DNAAF9: variants seen among roughly 807,000 people sequenced by gnomAD.
DNAAF9 encodes shulin.
DNAAF9 carries 90 observed loss-of-function variants against 167.0 expected under a neutral mutation model. The ratio of observed to expected loss-of-function variants is 0.54; its 90% CI spans 0.45 to 0.64. DNAAF9 has a LOEUF of 0.64. Among genes scored for constraint, DNAAF9 ranks in the 30% least tolerant of loss-of-function variants. DNAAF9 has a pLI of 0.00. For synonymous variants in DNAAF9, 491 were observed against 508.8 expected, an observed-to-expected ratio of 0.96 and a Z score of 0.47; for missense variants, 1,315 against 1,442.2, an observed-to-expected ratio of 0.91 and a Z score of 1.43.
chr20:3,370,238 T>C (rs553584529), intron 6 of DNAAF9, among the ~76,000 whole-genome samples: 5 of 152,192 alleles, frequency 3.3e-5, no homozygotes, highest in African/African-American at 9.6e-5. Context: ...TGCCTTTCAG[T>C]TTATTTATTT....
At chr20:3,375,473 T>G (rs555236858) in intron 4 of DNAAF9, among the ~76,000 whole-genome samples, 1 of 152,226 alleles carries the variant, frequency 6.6e-6, no homozygotes, top group Non-Finnish European at 1.5e-5. Context: ...AAATCCAAAC[T>G]TGATTTCCAG....
intron 1 of DNAAF9, 37 bp downstream of exon 1, chr20:3,407,438 C>T (rs1479633198): frequency 6.2e-6 from 8 of 1,281,356 alleles, no homozygotes; most frequent in African/African-American, 1.5e-5. Context: ...CCGCATCCCC[C>T]GCCCGGCCGC....
chr20:3,258,395 A>C (rs978082680), intron 33 of DNAAF9, among the ~76,000 whole-genome samples: 1 of 152,170 alleles, frequency 6.6e-6, no homozygotes, highest in African/African-American at 2.4e-5. Context: ...TGGAGCCCTC[A>C]GTGGTCCCCT....
At chr20:3,253,669 A>G in intron 36 of DNAAF9, 57 bp downstream of exon 36, 1 of 1,044,602 alleles carries the variant, frequency 9.6e-7, no homozygotes, top group Non-Finnish European at 1.5e-6. Context: ...ACAGGGTCAC[A>G]CACTCCCAGC....
chr20:3,259,746 C>G (rs532823498), intron 32 of DNAAF9, among the ~76,000 whole-genome samples, 176 bp downstream of exon 32: 1 of 152,354 alleles, frequency 6.6e-6, no homozygotes, highest in South Asian at 2.1e-4. Flanking sequence ...AACCCTTTCA[C>G]TGGAGTGGAG....
chr20:3,405,976 A>T (rs1251820111), intron 1 of DNAAF9, among the ~76,000 whole-genome samples: 2 of 152,230 alleles, frequency 1.3e-5, no homozygotes, highest in African/African-American at 4.8e-5. Context: ...TAAGCAGTTA[A>T]ACTTGGAACT....
intron 6 of DNAAF9, chr20:3,361,854 G>C (rs1185101078): frequency 1.4e-6 from 2 of 1,457,608 alleles, no homozygotes; most frequent in Admixed American, 3.5e-5. Flanking sequence ...GGGGGAAGGG[G>C]AAGGGCCTGT....
chr20:3,388,182 T>C (rs1481365563), intron 1 of DNAAF9, among the ~76,000 whole-genome samples: 1 of 151,746 alleles, frequency 6.6e-6, no homozygotes, highest in African/African-American at 2.4e-5. Context: ...GAAATGCAAA[T>C]CATAACCATA....
chr20:3,287,100 C>T (rs1422043401), intron 27 of DNAAF9, among the ~76,000 whole-genome samples: 1 of 152,202 alleles, frequency 6.6e-6, no homozygotes, highest in Admixed American at 6.5e-5. Flanking sequence ...CTTACAGAGA[C>T]TTCATGAGCT....
intron 17 of DNAAF9, among the ~76,000 whole-genome samples, chr20:3,317,002 C>G (rs1056736650): frequency 6.7e-6 from 1 of 149,004 alleles, no homozygotes; most frequent in Non-Finnish European, 1.5e-5. Flanking sequence ...TCAAGCAACT[C>G]TCTTGACTCA....
At chr20:3,381,663 T>C (rs2083656406) in intron 2 of DNAAF9, among the ~76,000 whole-genome samples, 165 bp from the exon 3 acceptor site, 1 of 152,152 alleles carries the variant, frequency 6.6e-6, no homozygotes, top group South Asian at 2.1e-4. Context: ...AAGAAACAGG[T>C]CTCAGCATCA....
At chr20:3,276,150 G>A (rs2068672446) in intron 29 of DNAAF9, among the ~76,000 whole-genome samples, 1 of 152,162 alleles carries the variant, frequency 6.6e-6, no homozygotes, top group Non-Finnish European at 1.5e-5. Context: ...GCAAAGGGAG[G>A]AAATATGCTC....
At chr20:3,333,473 C>G (rs1423045703) in intron 10 of DNAAF9, among the ~76,000 whole-genome samples, 1 of 152,170 alleles carries the variant, frequency 6.6e-6, no homozygotes, top group African/African-American at 2.4e-5. Context: ...CACTAGAATT[C>G]AAGGCATTTT....
At position 3,391,671 on chromosome 20, in the gene DNAAF9, C is replaced by G. The variant is rs563810411; in HGVS notation, c.84-9165G>C. On this transcript the variant is annotated intron_variant, in intron 1 of 36. Transcript: ENST00000252032. ...TCTTGGCTCACTGCAACCTCTGCCT[C>G]CCGGGTTCAAGCGTTTCTCCTGCCT... Among the ~76,000 whole-genome samples, 5 of 150,778 alleles carry G rather than the reference C, an allele frequency of 3.3e-5. No individual in the cohort carries two copies. The East Asian group carries it at 9.8e-4, about 30-fold the overall frequency.
intron 29 of DNAAF9, among the ~76,000 whole-genome samples, chr20:3,275,620 A>G (rs1042574176): frequency 6.6e-6 from 1 of 152,178 alleles, no homozygotes; most frequent in Non-Finnish European, 1.5e-5. Flanking sequence ...AGCTATGTAA[A>G]CTGCCACCTG....
intron 1 of DNAAF9, among the ~76,000 whole-genome samples, chr20:3,391,577 TC>T (rs931311669): frequency 6.8e-5 from 7 of 103,406 alleles, no homozygotes; most frequent in African/African-American, 2.5e-4. Flanking sequence ...CTTTTTTCCT[TC>T]TTTTTTTTTT....
intron 1 of DNAAF9, among the ~76,000 whole-genome samples, chr20:3,388,100 G>A (rs886907381): frequency 1.3e-5 from 2 of 149,068 alleles, no homozygotes; most frequent in African/African-American, 4.9e-5. Flanking sequence ...AAAGGGCAAA[G>A]AACATTTCTC....
rs1568617689 is a variant in DNAAF9, at chr20:3,344,622, CA to C, written c.790-892del. On this transcript the variant is annotated intron_variant, in intron 8 of 36. Transcript: ENST00000252032. ...ACACACACACACACACACACACACA[CA>C]CACACACACACACACACCTCATGTA... Among the ~76,000 whole-genome samples the C allele has an allele frequency of 3.3e-3, 491 of 149,484 alleles. 2 individuals carry two copies. The highest frequency in any genetic ancestry group is 0.012 in the African/African-American group (458 of 39,416).
chr20:3,336,117 C>A (rs2069936913), intron 10 of DNAAF9, among the ~76,000 whole-genome samples: 1 of 151,678 alleles, frequency 6.6e-6, no homozygotes, highest in Non-Finnish European at 1.5e-5. Context: ...AGCGAGACCC[C>A]ATTTCAAAAA....
Sources: allele counts gnomAD v4.1 joint callset (sites outside exome capture counted in the v4.1 genomes callset), GRCh38; gene constraint gnomAD v4.1.1; transcripts MANE v1.5; gene names NCBI Gene and HGNC (gene_info 2026-07-23, HGNC 2026-07-21).